ASB18: variants seen among roughly 807,000 people sequenced by gnomAD.
The protein encoded by ASB18 is ankyrin repeat and SOCS box containing 18, also known as ankyrin repeat and SOCS box protein 18.
A neutral mutation model predicts 33.4 loss-of-function variants in ASB18; 33 were observed. The observed-to-expected ratio is 0.99, with a 90% CI of 0.75 to 1.32. The LOEUF (loss-of-function observed/expected upper bound fraction) is 1.32. Among genes scored for constraint, ASB18 ranks in the 40% most tolerant of loss-of-function variants. ASB18 has a pLI of 0.00. For synonymous variants in ASB18, 295 were observed against 307.6 expected (o/e 0.96, Z 0.43); for missense variants, 694 against 655.5 (o/e 1.06, Z -0.64).
chr2:236,223,408 G>A lies in ASB18; in HGVS notation c.597-8542C>T, dbSNP rs1413854139. ...AAGACCCAGTAGCATCAGAGTGAGT[G>A]GAAAGAAAAGGAGGAAATGGAAAAG... On this transcript the variant is annotated intron_variant, in intron 3 of 5. Transcript: ENST00000409749. This position sits in a 1 kb window ranked among gnomAD's most constrained non-coding sequence, Gnocchi z 4.6. Among the ~76,000 whole-genome samples, 1 of 152,064 alleles carries A rather than the reference G, an allele frequency of 6.6e-6. No individual in the cohort carries two copies. The highest frequency in any genetic ancestry group is 2.4e-5 in the African/African-American group (1 of 41,386).
intron 4 of ASB18, among the ~76,000 whole-genome samples, chr2:236,202,292 T>C (rs758119287): frequency 6.6e-6 from 1 of 151,054 alleles, no homozygotes; most frequent in Non-Finnish European, 1.5e-5. Flanking sequence ...TTGTTTTAAA[T>C]GTATTTGAGA....
chr2:236,210,798 C>T (rs1291249952), intron 4 of ASB18, among the ~76,000 whole-genome samples: 1 of 152,134 alleles, frequency 6.6e-6, no homozygotes, highest in African/African-American at 2.4e-5. Flanking sequence ...CAAAGGAACA[C>T]CTGTGAAGGA....
chr2:236,236,012 T>A (rs2060587249), intron 3 of ASB18, among the ~76,000 whole-genome samples: 1 of 152,186 alleles, frequency 6.6e-6, no homozygotes, highest in African/African-American at 2.4e-5. Context: ...ATGTTCTTAA[T>A]CATACCGTGT....
At chr2:236,202,345 T>C (rs1037765036) in intron 4 of ASB18, among the ~76,000 whole-genome samples, 4 of 152,164 alleles carry the variant, frequency 2.6e-5, no homozygotes, top group Admixed American at 2.6e-4. Flanking sequence ...TTTCATTTAT[T>C]ATCATAAATC....
intron 4 of ASB18, among the ~76,000 whole-genome samples, chr2:236,207,765 T>A (rs140803201): frequency 6.6e-6 from 1 of 152,236 alleles, no homozygotes; most frequent in East Asian, 1.9e-4. Flanking sequence ...TTCCCCCGAT[T>A]TTCACATCTG....
In ASB18 at chr2:236,256,744, C is replaced by T. The variant is rs2106286316; in HGVS notation, c.205+7397G>A. ...TTGCAATTTCACTGTGTTCCACAGG[C>T]AGTGACAGTTCATACTTGGGGGGAG... On this transcript the variant is annotated intron_variant, in intron 1 of 5. Coordinates refer to ENST00000409749, the MANE Select transcript of ASB18 (RefSeq NM_212556.4). This position sits in a 1 kb window ranked among gnomAD's most constrained non-coding sequence, Gnocchi z 4.7. 6.6e-6 allele frequency among the ~76,000 whole-genome samples: 1 copy of T among 152,294 alleles called. No individual in the cohort carries two copies. The highest frequency in any genetic ancestry group is 2.1e-4 in the South Asian group (1 of 4,830).
intron 1 of ASB18, among the ~76,000 whole-genome samples, chr2:236,258,988 T>C (rs553813357): frequency 6.6e-6 from 1 of 152,194 alleles, no homozygotes; most frequent in Non-Finnish European, 1.5e-5. Flanking sequence ...AGTTGTTTCT[T>C]AAGTCGTTTG....
chr2:236,214,655 C>T lies in ASB18; in HGVS notation c.808G>A (p.Gly270Arg). 3.5e-6 allele frequency: 4 copies of T among 1,153,970 alleles called. No individual in the cohort carries two copies. The highest frequency in any genetic ancestry group is 4.3e-6 in the Non-Finnish European group (4 of 939,528). 71.5% of individuals were successfully genotyped at this position (1,153,970 alleles called of 1,614,324 possible). Residue 270 changes from glycine (G) to arginine (R), a missense_variant, in exon 4 of 6, where the codon GGG becomes AGG. By Grantham distance (125) the Gly-to-Arg change is moderately radical. Transcript: ENST00000409749. This position sits in a 1 kb window ranked among gnomAD's most constrained non-coding sequence, Gnocchi z 6.5. Reference protein sequence around the residue: ...CGAARRPDEHGRCLRLCALLL... With the variant: ...CGAARRPDEHRRCLRLCALLL... The stretch of plus-strand genomic sequence containing the variant: ...AGCGCGCACAGGCGCAGGCAGCGCC[C>T]GTGCTCGTCGGGCCTCCGCGCCGCA...
In ASB18 at chr2:236,222,785, C is replaced by T. The variant is rs894433566; in HGVS notation, c.597-7919G>A. Reference sequence around the variant, plus strand: ...CTGTAATCCCAACACTTTGGGAGGCCGAGGTATGTGGATCACCTGAGTTCA... The same window carrying T: ...CTGTAATCCCAACACTTTGGGAGGCTGAGGTATGTGGATCACCTGAGTTCA... On this transcript the variant is annotated intron_variant, in intron 3 of 5. Coordinates refer to ENST00000409749, the MANE Select transcript of ASB18 (RefSeq NM_212556.4). This position sits in a 1 kb window ranked among gnomAD's most constrained non-coding sequence, Gnocchi z 5.5. Among the ~76,000 whole-genome samples the T allele has an allele frequency of 3.3e-5, 5 of 152,080 alleles. No homozygotes were observed. The highest frequency in any genetic ancestry group is 3.9e-4 in the East Asian group (2 of 5,184).
rs1265754553 is a variant in ASB18, at chr2:236,251,338, G to GT, written c.206-9937dup. On this transcript the variant is annotated intron_variant, in intron 1 of 5. Transcript: ENST00000409749. The surrounding 1 kb of genome is among the most constrained non-coding windows in gnomAD (Gnocchi z 5.3). Reference sequence around the variant, plus strand: ...GACTCTGGGGACGTTGCTGGAAAGCGTATCATTGAAGCTCTCCCTGATAAA... The same window carrying GT: ...GACTCTGGGGACGTTGCTGGAAAGCGTTATCATTGAAGCTCTCCCTGATAAA... Among the ~76,000 whole-genome samples, 1 of 152,176 alleles carries GT rather than the reference G, an allele frequency of 6.6e-6. No homozygotes were observed. The highest frequency in any genetic ancestry group is 1.9e-4 in the East Asian group (1 of 5,190).
At chr2:236,246,186 C>G (rs12989902) in intron 1 of ASB18, among the ~76,000 whole-genome samples, 11 of 151,860 alleles carry the variant, frequency 7.2e-5, no homozygotes, top group Non-Finnish European at 1.5e-4. Context: ...AACCCCATCT[C>G]TACTAAAAAT....
rs878995486 is a variant in ASB18 at position 236,255,022 on chromosome 2, C to G, written c.205+9119G>C. ...CTCCTGCCCTGTAAGCTGCCTGCTCCCCATTTGCGTTCCGCCGCGACTGAA... is the reference window on the plus strand; with the variant it reads ...CTCCTGCCCTGTAAGCTGCCTGCTCGCCATTTGCGTTCCGCCGCGACTGAA... On this transcript the variant is annotated intron_variant, in intron 1 of 5. Coordinates refer to ENST00000409749, the MANE Select transcript of ASB18 (RefSeq NM_212556.4). This position sits in a 1 kb window ranked among gnomAD's most constrained non-coding sequence, Gnocchi z 4.4. Among the ~76,000 whole-genome samples the G allele has an allele frequency of 2.6e-5, 4 of 152,210 alleles. No homozygotes were observed. The highest frequency in any genetic ancestry group is 5.9e-5 in the Non-Finnish European group (4 of 68,044).
chr2:236,223,044 C>T lies in ASB18; in HGVS notation c.597-8178G>A, dbSNP rs115982682. ...CCAAAAAAAGGTGTGTGACACCCCC[C>T]ATCCCTGTTCCTGCTTTCACTGTGT... On this transcript the variant is annotated intron_variant, in intron 3 of 5. Coordinates refer to ENST00000409749, the MANE Select transcript of ASB18 (RefSeq NM_212556.4). The surrounding 1 kb of genome is among the most constrained non-coding windows in gnomAD (Gnocchi z 4.6). Among the ~76,000 whole-genome samples, 1,031 of 152,208 alleles carry T rather than the reference C, an allele frequency of 6.8e-3. 17 individuals are homozygous for T. Among genetic ancestry groups the T allele is most frequent in the African/African-American group, 0.024 (994 of 41,540 alleles).
intron 4 of ASB18, chr2:236,210,553 A>G (rs1044864627): frequency 6.6e-6 from 1 of 152,080 alleles, no homozygotes; most frequent in African/African-American, 2.4e-5. Flanking sequence ...GAGAGTCTGA[A>G]CTCTTTACAG....
chr2:236,210,516 G>T (rs538911500), intron 4 of ASB18: 1 of 152,326 alleles, frequency 6.6e-6, no homozygotes, highest in Non-Finnish European at 1.5e-5. Flanking sequence ...AACCACCTTT[G>T]TGATCATGGC....
At position 236,195,012 on chromosome 2, in the gene ASB18, G is replaced by C; in HGVS notation, c.1261C>G (p.Pro421Ala). 1 of 1,613,766 alleles carries C rather than the reference G, an allele frequency of 6.2e-7. No individual in the cohort carries two copies. Among genetic ancestry groups the C allele is most frequent in the Non-Finnish European group, 8.5e-7 (1 of 1,179,832 alleles). ...CGGCAAAGATGCTGCAGGCAGCGTG[G>C]GGTGAGGGCCAAGGCAAAGAGGGAC... ...YQSLFALALT[P>A]RCLQHLCRCA... The change falls in exon 6 of 6, where the codon CCA (proline) becomes GCA (alanine). Residue 421 changes from proline (P) to alanine (A), a missense_variant. Transcript: ENST00000409749. This position sits in a 1 kb window ranked among gnomAD's most constrained non-coding sequence, Gnocchi z 5.5.
chr2:236,255,616 C>T lies in ASB18; in HGVS notation c.205+8525G>A, dbSNP rs764764119. Among the ~76,000 whole-genome samples, 1 of 152,206 alleles carries T rather than the reference C, an allele frequency of 6.6e-6. No individual in the cohort carries two copies. The highest frequency in any genetic ancestry group is 1.5e-5 in the Non-Finnish European group (1 of 68,046). ...CCTCTCCTGGCACCTGTCCTTTCTCCTCTATCTTCTGCTTTACCTAAGTAA... is the reference window on the plus strand; with the variant it reads ...CCTCTCCTGGCACCTGTCCTTTCTCTTCTATCTTCTGCTTTACCTAAGTAA... On this transcript the variant is annotated intron_variant, in intron 1 of 5. Transcript: ENST00000409749. The surrounding 1 kb of genome is among the most constrained non-coding windows in gnomAD (Gnocchi z 4.4).
intron 1 of ASB18, among the ~76,000 whole-genome samples, chr2:236,258,026 T>C (rs1245857609): frequency 6.6e-6 from 1 of 152,208 alleles, no homozygotes; most frequent in African/African-American, 2.4e-5. Context: ...GAACATACCC[T>C]GATTTGGGGA....
At chr2:236,207,484 G>A (rs62190964) in intron 4 of ASB18, among the ~76,000 whole-genome samples, 14,060 of 152,088 alleles carry the variant, frequency 0.092, 857 homozygotes, top group Middle Eastern at 0.2. Flanking sequence ...TCTATTTTTC[G>A]GTTTGTCCTC....
Sources: gnomAD v4.1 joint callset for allele counts (sites outside exome capture counted in the v4.1 genomes callset) on GRCh38, gnomAD v4.1.1 for gene constraint, Gnocchi (gnomAD v3.1) non-coding constraint, MANE v1.5 for transcripts, NCBI Gene and HGNC (gene_info 2026-07-23, HGNC 2026-07-21) for gene names.